NHSL1: variants seen among roughly 807,000 people sequenced by gnomAD.
NHSL1 encodes NHS like 1, also known as NHS-like protein 1.
Under a neutral mutation model 95.0 loss-of-function variants are expected in NHSL1, and 48 were observed. That is an observed-to-expected ratio of 0.51 (90% CI 0.40 to 0.64). The LOEUF is 0.64. Among genes scored for constraint, NHSL1 ranks in the 30% least tolerant of loss-of-function variants. The pLI is 0.00. For missense variants in NHSL1, 1,971 were observed against 2,077.7 expected, an observed-to-expected ratio of 0.95 and a Z score of 1.00; for synonymous variants, 783 against 833.9, an observed-to-expected ratio of 0.94 and a Z score of 1.05.
At chr6:138,597,506 G>A (rs541765259) in intron 1 of NHSL1, among the ~76,000 whole-genome samples, 4 of 152,252 alleles carry the variant, frequency 2.6e-5, no homozygotes, top group South Asian at 2.1e-4. Flanking sequence ...TCCAGGTCCC[G>A]GGTACATGTT....
At chr6:138,449,802 G>C (rs1013806479) in intron 3 of NHSL1, among the ~76,000 whole-genome samples, 5 of 152,046 alleles carry the variant, frequency 3.3e-5, no homozygotes, top group African/African-American at 9.7e-5. Context: ...AATAATAAAG[G>C]CATGTGGAAA....
At chr6:138,664,127 A>T (rs545461541) in intron 1 of NHSL1, among the ~76,000 whole-genome samples, 3 of 152,308 alleles carry the variant, frequency 2.0e-5, no homozygotes, top group African/African-American at 7.2e-5. Flanking sequence ...CACCACAATA[A>T]ATTTCACACC....
chr6:138,609,323 G>A (rs951186325), intron 1 of NHSL1, among the ~76,000 whole-genome samples: 2 of 152,134 alleles, frequency 1.3e-5, no homozygotes, highest in Admixed American at 6.5e-5. Flanking sequence ...ACGCAGAGTC[G>A]AGGCTGCTTG....
intron 1 of NHSL1, among the ~76,000 whole-genome samples, chr6:138,611,074 C>CA (rs35836188): frequency 0.053 from 7,029 of 132,856 alleles, 195 homozygotes; most frequent in Non-Finnish European, 0.073. Context: ...AGACTGTCTC[C>CA]AAAAAAAAAA....
chr6:138,432,321 G>C lies in NHSL1; in HGVS notation c.2024C>G (p.Pro675Arg). ...LKKAKKPPLP[P>R]SRTDSLRRIP... ...CCTGCGGAGGGAGTCTGTCCGGGAG[G>C]GTGGCAGGGGAGGCTTCTTTGCTTT... The change falls in exon 6 of 8, where the codon CCC becomes CGC. Residue 675 changes from proline (P) to arginine (R), a missense_variant. By Grantham distance (103) the Pro-to-Arg change is moderately radical. Around this residue, in one of 3 missense-constraint regions of NHSL1, gnomAD observed 1,602 missense variants for 1,654.5 expected, o/e 0.97. Transcript: ENST00000343505. The surrounding 1 kb of genome is among the most constrained non-coding windows in gnomAD (Gnocchi z 4.4). 6.4e-7 allele frequency: 1 copy of C among 1,551,704 alleles called. No homozygotes were observed. The highest frequency in any genetic ancestry group is 8.7e-7 in the Non-Finnish European group (1 of 1,147,008).
chr6:138,588,767 T>C (rs1056033447), intron 1 of NHSL1, among the ~76,000 whole-genome samples: 7 of 152,242 alleles, frequency 4.6e-5, no homozygotes, highest in African/African-American at 1.7e-4. Context: ...AACTTTCTTA[T>C]ATTACAACAT....
chr6:138,561,634 G>T (rs1003054593), intron 1 of NHSL1, among the ~76,000 whole-genome samples: 1 of 152,184 alleles, frequency 6.6e-6, no homozygotes, highest in Non-Finnish European at 1.5e-5. Context: ...TTTATATCAA[G>T]TGTATGCAGC....
rs144775164 is a variant in NHSL1 at position 138,495,552 on chromosome 6, C to T, written c.211+667G>A. Among the ~76,000 whole-genome samples, 4 of 152,318 alleles carry T rather than the reference C, an allele frequency of 2.6e-5. No homozygotes were observed. In the East Asian group the frequency reaches 5.8e-4, roughly 22 times the overall value. ...TGGTTTTAAAAAGACAGTGGCAAAA[C>T]TGCCCATGTCAGCAGTGGTTTATTT... is the stretch of plus-strand genomic sequence containing the variant. On this transcript the variant is annotated intron_variant, in intron 2 of 7. Transcript: ENST00000343505.
At chr6:138,624,369 G>A (rs1368872570) in intron 1 of NHSL1, among the ~76,000 whole-genome samples, 2 of 152,140 alleles carry the variant, frequency 1.3e-5, no homozygotes, top group Non-Finnish European at 2.9e-5. Context: ...AAGAATCAGA[G>A]AAAAGAGAAG....
chr6:138,607,782 A>C (rs763838316), intron 1 of NHSL1, among the ~76,000 whole-genome samples: 4 of 152,226 alleles, frequency 2.6e-5, no homozygotes, highest in Middle Eastern at 3.2e-3. Context: ...CAACTACTCC[A>C]AGGAATTATA....
chr6:138,553,185 C>T (rs1344017240), intron 1 of NHSL1, among the ~76,000 whole-genome samples: 1 of 152,130 alleles, frequency 6.6e-6, no homozygotes, highest in African/African-American at 2.4e-5. Context: ...TTTTTCCAAA[C>T]TATTCTGGAT....
intron 1 of NHSL1, among the ~76,000 whole-genome samples, chr6:138,648,351 T>TAA (rs1785046426): frequency 1.9e-5 from 2 of 105,356 alleles, no homozygotes; most frequent in African/African-American, 1.1e-4. Context: ...TTACGGACAC[T>TAA]GAAAAAAAAA....
intron 1 of NHSL1, among the ~76,000 whole-genome samples, chr6:138,680,827 G>C (rs1785503079): frequency 6.6e-6 from 1 of 152,088 alleles, no homozygotes; most frequent in Non-Finnish European, 1.5e-5. Context: ...ATGTTGCCCA[G>C]GCTGGTCTTG....
rs556591341 is a variant in NHSL1, at chr6:138,519,450, CT to C, written c.17-23080del. ...AAGCATTAAATATTAACATTCTTGT[CT>C]TTTTTTTTAAACCAGAGAAATATCT... is the stretch of plus-strand genomic sequence containing the variant. On this transcript the variant is annotated intron_variant, in intron 1 of 4. Coordinates refer to the NHSL1 transcript ENST00000342260. Among the ~76,000 whole-genome samples, 1,259 of 151,556 alleles carry C rather than the reference CT, an allele frequency of 8.3e-3. 17 individuals are homozygous for C. Among genetic ancestry groups the C allele is most frequent in the African/African-American group, 0.028 (1,172 of 41,324 alleles).
At position 138,446,986 on chromosome 6, in the gene NHSL1, G is replaced by T. The variant is rs772273053; in HGVS notation, c.532+15C>A. 2 of 1,551,058 alleles carry T rather than the reference G, an allele frequency of 1.3e-6. No individual in the cohort carries two copies. Among genetic ancestry groups the T allele is most frequent in the South Asian group, 1.2e-5 (1 of 84,038 alleles). ...CCCAAGTACATTCTGAACCTGTCTG[G>T]CTAGCAAAGCGTACCAGTTATGTTA... On this transcript the variant is annotated intron_variant, in intron 4 of 7. Coordinates refer to ENST00000343505, the MANE Select transcript of NHSL1 (RefSeq NM_001144060.2).
intron 1 of NHSL1, among the ~76,000 whole-genome samples, chr6:138,534,293 A>G (rs189847434): frequency 6.6e-6 from 1 of 152,348 alleles, no homozygotes. Context: ...TAATGAACTT[A>G]GCCCTCAAGG....
chr6:138,608,480 C>T (rs976185445), intron 1 of NHSL1, among the ~76,000 whole-genome samples: 1 of 152,162 alleles, frequency 6.6e-6, no homozygotes, highest in Non-Finnish European at 1.5e-5. Context: ...TGAGTTTCAA[C>T]TCAATGTGAA....
At chr6:138,558,153 T>C (rs559877052) in intron 1 of NHSL1, among the ~76,000 whole-genome samples, 50 of 152,156 alleles carry the variant, frequency 3.3e-4, no homozygotes, top group South Asian at 6.2e-4. Flanking sequence ...GATGGAGTCT[T>C]GTTCTGTTGC....
chr6:138,608,469 A>AT (rs1784464079), intron 1 of NHSL1, among the ~76,000 whole-genome samples: 2 of 152,362 alleles, frequency 1.3e-5, no homozygotes, highest in South Asian at 4.1e-4. Flanking sequence ...AAATTTTAAA[A>AT]TGAGTTTCAA....
Sources: gnomAD v4.1 joint callset for allele counts (sites outside exome capture counted in the v4.1 genomes callset) on GRCh38, gnomAD v4.1.1 for gene constraint, gnomAD v4.1.1 regional missense constraint, Gnocchi (gnomAD v3.1) non-coding constraint, MANE v1.5 for transcripts, NCBI Gene and HGNC (gene_info 2026-07-23, HGNC 2026-07-21) for gene names.